The following CCDC91 variants were observed in gnomAD, a reference collection of about 807,000 sequenced individuals.
CCDC91 encodes the protein coiled-coil domain containing 91, also known as coiled-coil domain-containing protein 91.
CCDC91 carries 48 observed loss-of-function variants against 63.2 expected under a neutral mutation model. That is an observed-to-expected ratio of 0.76 (90% confidence interval 0.60 to 0.97). The LOEUF (loss-of-function observed/expected upper bound fraction) is 0.97, where lower values mean the gene tolerates loss of function less well. Among genes scored for constraint, CCDC91 ranks in the 50% least tolerant of loss-of-function variants. The probability of loss-of-function intolerance (pLI) is 0.00; values close to 1 mark genes in which losing one functional copy is unlikely to be tolerated. For missense variants in CCDC91, 500 were observed against 494.6 expected, an observed-to-expected ratio of 1.01 and a Z score of -0.10; for synonymous variants, 167 against 165.8, an observed-to-expected ratio of 1.01 and a Z score of -0.06.
chr12:28,397,004 G>A (rs1304745924), intron 8 of CCDC91, among the ~76,000 whole-genome samples: 1 of 152,090 alleles, frequency 6.6e-6, no homozygotes, highest in Non-Finnish European at 1.5e-5. Context: ...CATTGAAAGT[G>A]TATCTATGGA....
intron 6 of CCDC91, among the ~76,000 whole-genome samples, chr12:28,361,894 G>T (rs1167315464): frequency 2.0e-5 from 3 of 148,034 alleles, no homozygotes; most frequent in Non-Finnish European, 4.5e-5. Context: ...GCGGGAGGGG[G>T]TGTTTCTTTT....
chr12:28,488,831 A>T (rs561903327), intron 12 of CCDC91, among the ~76,000 whole-genome samples: 34 of 152,078 alleles, frequency 2.2e-4, no homozygotes, highest in Non-Finnish European at 4.6e-4. Context: ...GAAAGACCAT[A>T]TTGTATTTTA....
chr12:28,425,042 T>C (rs1948230715), intron 8 of CCDC91, among the ~76,000 whole-genome samples: 1 of 152,154 alleles, frequency 6.6e-6, no homozygotes, highest in Non-Finnish European at 1.5e-5. Context: ...GTTAAAAACC[T>C]ATTGTGATTT....
intron 12 of CCDC91, among the ~76,000 whole-genome samples, chr12:28,506,503 A>G (rs867883441): frequency 7.2e-5 from 11 of 152,098 alleles, no homozygotes; most frequent in East Asian, 3.9e-4. Context: ...TAATTCCCCA[A>G]TGGAATTCAA....
intron 6 of CCDC91, among the ~76,000 whole-genome samples, chr12:28,350,896 A>G (rs1943139195): frequency 1.3e-5 from 2 of 152,096 alleles, no homozygotes; most frequent in Non-Finnish European, 2.9e-5. Flanking sequence ...ACATTCATAA[A>G]TCTTTACCTC....
At chr12:28,443,867 A>G (rs1374448153) in intron 8 of CCDC91, among the ~76,000 whole-genome samples, 4 of 152,366 alleles carry the variant, frequency 2.6e-5, no homozygotes, top group Non-Finnish European at 4.4e-5. Flanking sequence ...ATTAGGTCCA[A>G]TAGTTATAAA....
intron 1 of CCDC91, among the ~76,000 whole-genome samples, chr12:28,238,339 T>G (rs1216053335): frequency 1.3e-5 from 2 of 152,156 alleles, no homozygotes; most frequent in Non-Finnish European, 2.9e-5. Context: ...ATATATAACC[T>G]TGTATCTATC....
intron 11 of CCDC91, among the ~76,000 whole-genome samples, chr12:28,471,051 A>G (rs1311167990): frequency 3.3e-5 from 5 of 152,200 alleles, no homozygotes; most frequent in African/African-American, 4.8e-5. Flanking sequence ...CAGTGCAGGA[A>G]ATCCTAATAC....
At chr12:28,489,727 A>T (rs1185596903) in intron 12 of CCDC91, among the ~76,000 whole-genome samples, 1 of 151,890 alleles carries the variant, frequency 6.6e-6, no homozygotes, top group Non-Finnish European at 1.5e-5. Context: ...TTTGTGGTCA[A>T]GGCATTGTCA....
intron 7 of CCDC91, among the ~76,000 whole-genome samples, chr12:28,382,402 A>G (rs1455800841): frequency 2.6e-5 from 4 of 152,006 alleles, no homozygotes; most frequent in African/African-American, 7.2e-5. Context: ...TATGTCATAA[A>G]AAGTAGGTAA....
At chr12:28,475,790 G>T (rs780144229) in intron 11 of CCDC91, among the ~76,000 whole-genome samples, 11 of 151,802 alleles carry the variant, frequency 7.2e-5, no homozygotes, top group Non-Finnish European at 1.5e-5. Context: ...GACTTCTCAG[G>T]CTCCAGAACC....
At chr12:28,409,687 A>G (rs989231812) in intron 8 of CCDC91, among the ~76,000 whole-genome samples, 9 of 152,108 alleles carry the variant, frequency 5.9e-5, no homozygotes, top group African/African-American at 1.7e-4. Context: ...AATGATATAT[A>G]TGTCCTTCTA....
intron 7 of CCDC91, among the ~76,000 whole-genome samples, chr12:28,364,101 T>A (rs562366185): frequency 1.3e-5 from 2 of 152,204 alleles, no homozygotes; most frequent in East Asian, 3.9e-4. Flanking sequence ...AATGTCTGAT[T>A]TTGGCAGAGC....
chr12:28,377,169 A>G (rs1349163560), intron 7 of CCDC91, among the ~76,000 whole-genome samples: 3 of 151,258 alleles, frequency 2.0e-5, no homozygotes, highest in African/African-American at 7.3e-5. Context: ...TCAGTTAGAA[A>G]AGGGGCTTTC....
At chr12:28,302,371 A>G (rs1236447178) in intron 3 of CCDC91, among the ~76,000 whole-genome samples, 3 of 151,936 alleles carry the variant, frequency 2.0e-5, no homozygotes, top group Admixed American at 1.3e-4. Context: ...TTTAGCATGT[A>G]TCTGTCACTG....
At chr12:28,192,462 G>A (rs12372073) in intron 1 of CCDC91, among the ~76,000 whole-genome samples, 41,984 of 152,040 alleles carry the variant, frequency 0.28, 6,039 homozygotes, top group Non-Finnish European at 0.31. Context: ...GCACTCCTTT[G>A]TCAACCTGTT....
chr12:28,236,419 T>C (rs1944952406), intron 1 of CCDC91: 1 of 152,120 alleles, frequency 6.6e-6, no homozygotes, highest in Admixed American at 6.5e-5. Context: ...TGTAATCTTT[T>C]TCTGTTTAAT....
chr12:28,221,698 C>T (rs1233806679), intron 1 of CCDC91, among the ~76,000 whole-genome samples: 1 of 152,192 alleles, frequency 6.6e-6, no homozygotes. Flanking sequence ...TTTATCCACT[C>T]TGACTGATAG....
At chr12:28,382,026 AATGGT>A (rs1945326717) in intron 7 of CCDC91, among the ~76,000 whole-genome samples, 1 of 152,080 alleles carries the variant, frequency 6.6e-6, no homozygotes, top group Non-Finnish European at 1.5e-5. Flanking sequence ...GTCAGGTACC[AATGGT>A]AACTTTAAAC....
Sources: gnomAD v4.1 joint callset for allele counts (sites outside exome capture counted in the v4.1 genomes callset) on GRCh38, gnomAD v4.1.1 for gene constraint, MANE v1.5 for transcripts, NCBI Gene and HGNC (gene_info 2026-07-23, HGNC 2026-07-21) for gene names.